Variants in FMN2 observed in about 807,000 individuals in gnomAD.
FMN2 encodes formin-2.
Under a neutral mutation model 142.3 loss-of-function variants are expected in FMN2, and 51 were observed. The ratio of observed to expected loss-of-function variants is 0.36; its 90% CI spans 0.29 to 0.45. The LOEUF (loss-of-function observed/expected upper bound fraction) is 0.45. FMN2 is among the 20% of genes least tolerant of loss of function. FMN2 has a pLI of 1.00. For missense variants in FMN2, 1,936 were observed against 2,122.8 expected (o/e 0.91, Z 1.73); for synonymous variants, 882 against 869.8 (o/e 1.01, Z -0.25).
rs746437010 is a variant in FMN2, at chr1:240,333,944, G to A, written c.4642G>A (p.Glu1548Lys). The stretch of plus-strand genomic sequence containing the variant: ...TTCGTATTATCTCCGAAATTTTGAT[G>A]AGGTAAGACAATTTTTACATATAGT... ...IVSYYLRNFDEDAGKEQCLFP... is the reference protein window; with the variant it reads ...IVSYYLRNFDKDAGKEQCLFP... Residue 1548 changes from glutamate (E) to lysine (K), a missense_variant and splice_region_variant, in exon 12 of 18, where the codon GAG (glutamate) becomes AAG (lysine). Coordinates refer to ENST00000319653, the MANE Select transcript of FMN2 (RefSeq NM_020066.5). 6.2e-7 allele frequency: 1 copy of A among 1,607,778 alleles called. No homozygotes were observed. Among genetic ancestry groups the A allele is most frequent in the Non-Finnish European group, 8.5e-7 (1 of 1,176,982 alleles).
At chr1:240,129,322 A>G (rs538581481) in intron 2 of FMN2, among the ~76,000 whole-genome samples, 5 of 152,186 alleles carry the variant, frequency 3.3e-5, no homozygotes, top group East Asian at 1.9e-4. Flanking sequence ...TTTTTGCTGT[A>G]TATTTATTTT....
At chr1:240,242,019 G>A (rs1165509587) in intron 6 of FMN2, among the ~76,000 whole-genome samples, 1 of 151,370 alleles carries the variant, frequency 6.6e-6, no homozygotes, top group Admixed American at 6.6e-5. Context: ...CTAATTTTTT[G>A]TATTTTTAGT....
At chr1:240,166,322 C>T (rs918038633) in intron 2 of FMN2, among the ~76,000 whole-genome samples, 9 of 151,882 alleles carry the variant, frequency 5.9e-5, no homozygotes, top group African/African-American at 1.5e-4. Context: ...CTCTGCCTCC[C>T]GGGTTCAAGC....
chr1:240,285,492 C>A (rs765430469), intron 7 of FMN2, among the ~76,000 whole-genome samples: 3 of 151,694 alleles, frequency 2.0e-5, no homozygotes, highest in Non-Finnish European at 2.9e-5. Flanking sequence ...TGAGACTGGG[C>A]GAGACCACCA....
At chr1:240,336,634 C>T (rs1671571703) in intron 13 of FMN2, among the ~76,000 whole-genome samples, 1 of 141,718 alleles carries the variant, frequency 7.1e-6, no homozygotes, top group East Asian at 2.3e-4. Flanking sequence ...TTCACAGAAT[C>T]TCTGGTGTGT....
intron 2 of FMN2, among the ~76,000 whole-genome samples, chr1:240,159,483 T>C (rs1453366833): frequency 1.3e-5 from 2 of 151,956 alleles, no homozygotes; most frequent in African/African-American, 4.8e-5. Flanking sequence ...GGTTATGGAG[T>C]TCAAAATGGG....
rs1401994553 is a variant in FMN2 at position 240,474,069 on chromosome 1, C to T, written c.5143-59C>T. 4.1e-6 allele frequency: 6 copies of T among 1,454,224 alleles called. No individual in the cohort carries two copies. The East Asian group carries it at 1.5e-4, about 36-fold the overall frequency. The allele number at this position is 1,454,224 out of a possible 1,614,324, so 90.1% of individuals were successfully genotyped here. A position where few individuals can be genotyped will look rare whatever the true frequency, so the allele number is the denominator to read the frequency against. On this transcript the variant is annotated intron_variant, in intron 17 of 17. Coordinates refer to ENST00000319653, the MANE Select transcript of FMN2 (RefSeq NM_020066.5). ...GGTCTTTTTTAGGCTACTCTAAATT[C>T]TTTCCATTTTTAAAAGTTCTTTCTA...
intron 2 of FMN2, chr1:240,143,236 C>G (rs904210652): frequency 5.0e-6 from 8 of 1,588,444 alleles, no homozygotes; most frequent in Non-Finnish European, 6.9e-6. Flanking sequence ...TAGGAAACTT[C>G]TGGATCAGCA....
intron 15 of FMN2, among the ~76,000 whole-genome samples, chr1:240,407,992 T>A (rs1674271080): frequency 6.6e-6 from 1 of 152,164 alleles, no homozygotes; most frequent in Admixed American, 6.5e-5. Context: ...CGCATCCTAC[T>A]TCCAGAAAAT....
chr1:240,392,392 G>A (rs562172913), intron 14 of FMN2, 119 bp from the exon 15 acceptor site: 2 of 642,092 alleles, frequency 3.1e-6, no homozygotes, highest in Admixed American at 3.1e-5. Context: ...TAAGCTTCTG[G>A]TTGTAGTACA....
intron 2 of FMN2, among the ~76,000 whole-genome samples, chr1:240,159,974 T>TATATATACACACACACACAC (rs1202421069): frequency 5.2e-5 from 7 of 134,084 alleles, no homozygotes; most frequent in South Asian, 2.4e-4. Context: ...TATATATATA[T>TATATATACACACACACACAC]ACACACACAC....
At chr1:240,433,437 A>G (rs903320567) in intron 15 of FMN2, among the ~76,000 whole-genome samples, 1 of 152,232 alleles carries the variant, frequency 6.6e-6, no homozygotes. Flanking sequence ...TTGCACAATG[A>G]TAAGTGCATT....
intron 16 of FMN2, among the ~76,000 whole-genome samples, chr1:240,467,073 G>C (rs895243366): frequency 6.6e-6 from 1 of 152,134 alleles, no homozygotes; most frequent in Non-Finnish European, 1.5e-5. Flanking sequence ...AGTGATCACA[G>C]CCTATCATCC....
chr1:240,471,345 A>G (rs1214108211), intron 16 of FMN2, among the ~76,000 whole-genome samples: 1 of 151,724 alleles, frequency 6.6e-6, no homozygotes, highest in East Asian at 1.9e-4. Flanking sequence ...AATTTTAAGT[A>G]AGCATGGCAT....
Position 240,354,541 on chromosome 1 carries a change from C to A in FMN2, c.4766-1275C>A, listed in dbSNP as rs139017130. Among the ~76,000 whole-genome samples the A allele has an allele frequency of 3.6e-4, 55 of 152,260 alleles. 1 individual carries two copies. The East Asian group carries it at 0.01, about 28-fold the overall frequency. On this transcript the variant is annotated intron_variant, in intron 13 of 17. Transcript: ENST00000319653. ...TAGAAATTCTCCAGCATCCAGCCTG[C>A]AAGAGGCTACCTGGGCACAGGTGAG...
intron 15 of FMN2, among the ~76,000 whole-genome samples, chr1:240,427,967 G>C (rs1347171683): frequency 6.6e-6 from 1 of 151,944 alleles, no homozygotes; most frequent in Admixed American, 6.6e-5. Flanking sequence ...CAGTTATTCC[G>C]TGAAATACTT....
At chr1:240,280,291 G>T (rs1230690622) in intron 7 of FMN2, among the ~76,000 whole-genome samples, 1 of 152,024 alleles carries the variant, frequency 6.6e-6, no homozygotes, top group African/African-American at 2.4e-5. Context: ...TATAATCATT[G>T]TGTTTATAAT....
intron 8 of FMN2, among the ~76,000 whole-genome samples, chr1:240,323,561 A>G (rs997769220): frequency 1.3e-5 from 2 of 152,282 alleles, no homozygotes; most frequent in South Asian, 4.1e-4. Flanking sequence ...TATGGGCAGT[A>G]ACCTCACTTC....
intron 7 of FMN2, 37 bp downstream of exon 7, chr1:240,258,069 A>T: frequency 6.6e-7 from 1 of 1,519,702 alleles, no homozygotes; most frequent in Non-Finnish European, 9.0e-7. Flanking sequence ...TCTGAATATT[A>T]AAATTTGGGC....
Sources: allele counts gnomAD v4.1 joint callset (sites outside exome capture counted in the v4.1 genomes callset), GRCh38; gene constraint gnomAD v4.1.1; transcripts MANE v1.5; gene names NCBI Gene and HGNC (gene_info 2026-07-23, HGNC 2026-07-21).